The following TAFA2 variants were observed in gnomAD, a reference collection of about 807,000 sequenced individuals.
TAFA2 encodes TAFA chemokine like family member 2.
Under a neutral mutation model 18.8 loss-of-function variants are expected in TAFA2, and 7 were observed. The observed-to-expected ratio is 0.37, with a 90% CI of 0.21 to 0.70. The LOEUF (loss-of-function observed/expected upper bound fraction) is 0.70, where lower values mean the gene tolerates loss of function less well. Among genes scored for constraint, TAFA2 ranks in the 30% least tolerant of loss-of-function variants. The pLI, the probability that TAFA2 is intolerant of heterozygous loss-of-function variation, is 0.53. For missense variants in TAFA2, 122 were observed against 158.1 expected (o/e 0.77, Z 1.23); for synonymous variants, 60 against 54.2 (o/e 1.11, Z -0.47).
intron 2 of TAFA2, chr12:61,775,956 T>C (rs1003948831): frequency 8.4e-6 from 2 of 238,644 alleles, no homozygotes; most frequent in Non-Finnish European, 1.7e-5. Context: ...GAGAGACACC[T>C]GATGTATGTT....
intron 2 of TAFA2, among the ~76,000 whole-genome samples, chr12:61,857,642 A>G (rs142220802): frequency 2.0e-5 from 3 of 152,314 alleles, no homozygotes; most frequent in Admixed American, 6.5e-5. Flanking sequence ...GGGATTCCCA[A>G]TTGGCCTGAA....
chr12:61,778,030 G>A lies in TAFA2; in HGVS notation c.107-23006C>T, dbSNP rs537263041. 5.3e-5 allele frequency among the ~76,000 whole-genome samples: 8 copies of A among 151,754 alleles called. No homozygotes were observed. The South Asian group carries it at 1.5e-3, about 28-fold the overall frequency. ...CTTTAGGGTCAAATAGACCCAAACAGGAAATCTTTCCTATTGTGAATGACC... is the reference window on the plus strand; with the variant it reads ...CTTTAGGGTCAAATAGACCCAAACAAGAAATCTTTCCTATTGTGAATGACC... On this transcript the variant is annotated intron_variant, in intron 2 of 4. Coordinates refer to ENST00000416284, the MANE Select transcript of TAFA2 (RefSeq NM_178539.5).
At chr12:62,223,417 A>G (rs2062772570) in intron 1 of TAFA2, among the ~76,000 whole-genome samples, 1 of 152,214 alleles carries the variant, frequency 6.6e-6, no homozygotes, top group South Asian at 2.1e-4. Context: ...GGCTCAAGCA[A>G]TCCCCTCACC....
chr12:62,229,673 T>C (rs530683399), intron 1 of TAFA2, among the ~76,000 whole-genome samples: 31 of 151,042 alleles, frequency 2.1e-4, no homozygotes, highest in South Asian at 1.7e-3. Flanking sequence ...TGTATTTTCT[T>C]TTTTTTTTAA....
At chr12:62,169,587 C>T (rs1385582304) in intron 1 of TAFA2, among the ~76,000 whole-genome samples, 2 of 152,182 alleles carry the variant, frequency 1.3e-5, no homozygotes, top group African/African-American at 2.4e-5. Flanking sequence ...CACAGTGGCT[C>T]ACGCCTGTAA....
chr12:62,070,926 G>T (rs760955402), intron 1 of TAFA2, among the ~76,000 whole-genome samples: 3 of 152,102 alleles, frequency 2.0e-5, no homozygotes. Flanking sequence ...CTGAACATAC[G>T]AAATAAATTG....
intron 4 of TAFA2, among the ~76,000 whole-genome samples, chr12:61,738,512 C>T (rs1057347741): frequency 6.6e-6 from 1 of 152,012 alleles, no homozygotes; most frequent in Non-Finnish European, 1.5e-5. Flanking sequence ...TCTCCTTCAC[C>T]TGGTAGGCCT....
intron 1 of TAFA2, among the ~76,000 whole-genome samples, chr12:61,997,590 C>T (rs1190344859): frequency 2.0e-5 from 3 of 152,126 alleles, no homozygotes; most frequent in Admixed American, 6.6e-5. Context: ...ATTGGATTTA[C>T]ATTTCTGTAA....
chr12:62,194,723 T>C (rs12319281), upstream of TAFA2, among the ~76,000 whole-genome samples: 27,196 of 152,132 alleles, frequency 0.18, 2,771 homozygotes, highest in African/African-American at 0.28. Flanking sequence ...TTCTCCTAAT[T>C]TAACAGAAAT....
At chr12:61,779,286 C>T (rs1273952401) in intron 2 of TAFA2, among the ~76,000 whole-genome samples, 1 of 151,710 alleles carries the variant, frequency 6.6e-6, no homozygotes, top group Non-Finnish European at 1.5e-5. Context: ...AATAATTGCA[C>T]CTCTGAAAGC....
intron 1 of TAFA2, among the ~76,000 whole-genome samples, chr12:61,983,062 G>A (rs915726362): frequency 3.3e-5 from 5 of 151,858 alleles, no homozygotes; most frequent in Non-Finnish European, 5.9e-5. Flanking sequence ...ATGTAATTTG[G>A]GCATAGTAGG....
intron 1 of TAFA2, among the ~76,000 whole-genome samples, chr12:62,098,317 A>C (rs1869035947): frequency 6.6e-6 from 1 of 152,136 alleles, no homozygotes; most frequent in South Asian, 2.1e-4. Flanking sequence ...CTTTCTCATC[A>C]TCTCAACAGG....
At chr12:61,743,394 C>T (rs531828898) in intron 4 of TAFA2, among the ~76,000 whole-genome samples, 2 of 152,202 alleles carry the variant, frequency 1.3e-5, no homozygotes, top group South Asian at 4.1e-4. Flanking sequence ...CTTGTAGTCA[C>T]ACAGAACAAA....
In TAFA2 at chr12:61,733,502, T is replaced by G. The variant is rs1022655252; in HGVS notation, c.384+20120A>C. On this transcript the variant is annotated intron_variant, in intron 4 of 4. Transcript: ENST00000416284. The stretch of plus-strand genomic sequence containing the variant: ...AGCTTTCTACATATGGCTAGCCAGT[T>G]TTCCCAGCACCATTTATTAAATAGG... 5.5e-4 allele frequency among the ~76,000 whole-genome samples: 84 copies of G among 151,482 alleles called. 1 individual carries two copies. The highest frequency in any genetic ancestry group is 1.9e-3 in the African/African-American group (79 of 41,328).
intron 1 of TAFA2, among the ~76,000 whole-genome samples, chr12:62,226,263 C>T (rs1052814121): frequency 4.0e-5 from 6 of 151,246 alleles, no homozygotes; most frequent in Admixed American, 1.3e-4. Flanking sequence ...GGGTGATCTC[C>T]GCTCACTGCA....
intron 1 of TAFA2, among the ~76,000 whole-genome samples, chr12:61,961,827 G>T (rs1280224269): frequency 1.3e-5 from 2 of 151,960 alleles, no homozygotes; most frequent in African/African-American, 2.4e-5. Context: ...ATCATCAAAT[G>T]GTTTGTTTAG....
intron 2 of TAFA2, among the ~76,000 whole-genome samples, chr12:61,777,258 G>A (rs985893173): frequency 3.3e-5 from 5 of 151,796 alleles, no homozygotes; most frequent in Non-Finnish European, 7.4e-5. Context: ...TTTGAGCAAG[G>A]TACTTACATG....
intron 1 of TAFA2, among the ~76,000 whole-genome samples, chr12:62,130,966 A>C (rs1208948051): frequency 6.6e-6 from 1 of 152,024 alleles, no homozygotes; most frequent in Non-Finnish European, 1.5e-5. Context: ...AAGCATCAAC[A>C]AATTGCTTAA....
At chr12:61,767,782 AT>A (rs545923692) in intron 2 of TAFA2, among the ~76,000 whole-genome samples, 1,641 of 148,848 alleles carry the variant, frequency 0.011, 24 homozygotes, top group African/African-American at 0.033. Context: ...GATGAAGCTC[AT>A]TTTTTTTTTA....
Sources: allele counts gnomAD v4.1 joint callset (sites outside exome capture counted in the v4.1 genomes callset), GRCh38; gene constraint gnomAD v4.1.1; transcripts MANE v1.5; gene names NCBI Gene and HGNC (gene_info 2026-07-23, HGNC 2026-07-21).